The following BCAR3 variants were observed in gnomAD, a reference collection of about 807,000 sequenced individuals.
The protein encoded by BCAR3 is BCAR3 adaptor protein, NSP family member.
Under a neutral mutation model 80.1 loss-of-function variants are expected in BCAR3, and 37 were observed. The ratio of observed to expected loss-of-function variants is 0.46; its 90% CI spans 0.36 to 0.61. The LOEUF (loss-of-function observed/expected upper bound fraction) is 0.61. BCAR3 is among the 20% of genes least tolerant of loss of function. The probability of loss-of-function intolerance (pLI) is 0.00; values close to 1 mark genes in which losing one functional copy is unlikely to be tolerated. For synonymous variants in BCAR3, 389 were observed against 418.9 expected, an observed-to-expected ratio of 0.93 and a Z score of 0.87; for missense variants, 978 against 1,068.2, an observed-to-expected ratio of 0.92 and a Z score of 1.18.
At chr1:93,643,851 T>C (rs1448592879) in intron 2 of BCAR3, among the ~76,000 whole-genome samples, 1 of 152,232 alleles carries the variant, frequency 6.6e-6, no homozygotes, top group Non-Finnish European at 1.5e-5. Flanking sequence ...GCTTCAACTT[T>C]AGTAACCTTT....
chr1:93,744,205 A>C (rs1651277206), intron 2 of BCAR3, among the ~76,000 whole-genome samples: 1 of 152,244 alleles, frequency 6.6e-6, no homozygotes. Flanking sequence ...TGAGAGTCTT[A>C]GTCACATTAG....
intron 2 of BCAR3, among the ~76,000 whole-genome samples, chr1:93,722,318 T>G (rs958015807): frequency 2.0e-5 from 3 of 152,226 alleles, no homozygotes; most frequent in Non-Finnish European, 4.4e-5. Flanking sequence ...GGCTACTATT[T>G]TAGGTAGCAG....
intron 3 of BCAR3, among the ~76,000 whole-genome samples, chr1:93,702,803 C>T (rs992976086): frequency 3.9e-5 from 6 of 152,198 alleles, no homozygotes; most frequent in Non-Finnish European, 5.9e-5. Flanking sequence ...AGGAAGGAGA[C>T]GACTTGCTCC....
chr1:93,642,349 A>G lies in BCAR3; in HGVS notation c.318-6T>C, dbSNP rs1353939912. ...GGTCCAGAAGATGTGGATCCCTGAA[A>G]AGAGAAAATATAAATATGAGAATGG... On this transcript the variant is annotated splice_polypyrimidine_tract_variant and splice_region_variant and intron_variant, in intron 2 of 11. Transcript: ENST00000260502. 2 of 1,610,932 alleles carry G rather than the reference A, an allele frequency of 1.2e-6. No homozygotes were observed. Among genetic ancestry groups the G allele is most frequent in the Non-Finnish European group, 1.7e-6 (2 of 1,177,186 alleles).
chr1:93,639,177 C>G (rs1018134153), intron 3 of BCAR3, among the ~76,000 whole-genome samples: 2 of 152,146 alleles, frequency 1.3e-5, no homozygotes, highest in African/African-American at 4.8e-5. Context: ...GCTAAGCAAC[C>G]GAGAAACCGG....
intron 1 of BCAR3, among the ~76,000 whole-genome samples, chr1:93,676,686 C>T (rs1371764822): frequency 6.6e-6 from 1 of 152,164 alleles, no homozygotes; most frequent in South Asian, 2.1e-4. Context: ...ACACAAGTGA[C>T]GTAAACCGAC....
intron 9 of BCAR3, among the ~76,000 whole-genome samples, chr1:93,568,730 A>T (rs963491818): frequency 6.6e-6 from 1 of 152,240 alleles, no homozygotes; most frequent in Non-Finnish European, 1.5e-5. Flanking sequence ...AGCATTCAGT[A>T]TAAGTACATA....
chr1:93,568,466 T>A (rs1258109463), intron 9 of BCAR3, among the ~76,000 whole-genome samples: 2 of 152,148 alleles, frequency 1.3e-5, no homozygotes, highest in African/African-American at 2.4e-5. Flanking sequence ...TGATGCAAAG[T>A]AAAACACCTG....
In BCAR3 at chr1:93,673,602, GA is replaced by G. The variant is rs1435577666; in HGVS notation, c.317+1011del. Among the ~76,000 whole-genome samples the G allele has an allele frequency of 1.4e-4, 21 of 152,282 alleles. 3 individuals carry two copies. The highest frequency in any genetic ancestry group is 7.8e-4 in the Admixed American group (12 of 15,300). On this transcript the variant is annotated intron_variant, in intron 2 of 11. Transcript: ENST00000260502. ...ACAGGCTGCTGATCTTCCCCAACAG[GA>G]AAAGGAGTGCAGTTTCCAAACTAGC...
At chr1:93,625,506 G>T (rs1675430504) in intron 3 of BCAR3, among the ~76,000 whole-genome samples, 1 of 152,108 alleles carries the variant, frequency 6.6e-6, no homozygotes, top group Non-Finnish European at 1.5e-5. Flanking sequence ...GAAGACTGGT[G>T]GTCACAGGAA....
intron 2 of BCAR3, among the ~76,000 whole-genome samples, chr1:93,810,491 C>G (rs1167704777): frequency 6.6e-6 from 1 of 152,166 alleles, no homozygotes; most frequent in Non-Finnish European, 1.5e-5. Flanking sequence ...CATCAGCACA[C>G]TCTGATGCCA....
At chr1:93,616,794 T>C (rs1287195502) in intron 3 of BCAR3, among the ~76,000 whole-genome samples, 1 of 152,082 alleles carries the variant, frequency 6.6e-6, no homozygotes, top group Non-Finnish European at 1.5e-5. Context: ...TCCCAGGGAC[T>C]GAGGAAGGGA....
At chr1:93,574,235 G>A (rs957465578) in intron 8 of BCAR3, among the ~76,000 whole-genome samples, 4 of 152,226 alleles carry the variant, frequency 2.6e-5, no homozygotes, top group Non-Finnish European at 4.4e-5. Context: ...GCAAGAGGAG[G>A]CACTCAGATG....
chr1:93,582,925 A>G lies in BCAR3; in HGVS notation c.1062T>C (p.Gly354=), dbSNP rs1343855878. The change falls in exon 7 of 12, where the codon GGT becomes GGC. Residue 354 remains glycine, a synonymous_variant. Transcript: ENST00000260502. ...IGCKLPPQSS[G]VDTSPCPNSP... ...AGTTTGGGCAGGGGCTTGTGTCCACACCCGAGGACTGAGGTGGCAGCTTGC... is the reference window on the plus strand; with the variant it reads ...AGTTTGGGCAGGGGCTTGTGTCCACGCCCGAGGACTGAGGTGGCAGCTTGC... 6.3e-7 allele frequency: 1 copy of G among 1,596,850 alleles called. No individual in the cohort carries two copies. The highest frequency in any genetic ancestry group is 1.3e-5 in the African/African-American group (1 of 74,716).
At chr1:93,646,777 G>A (rs901470386) in intron 2 of BCAR3, among the ~76,000 whole-genome samples, 3 of 152,034 alleles carry the variant, frequency 2.0e-5, no homozygotes, top group African/African-American at 7.2e-5. Context: ...TAAATGCTGA[G>A]TTATTGGAAT....
chr1:93,704,510 A>C (rs780256123), intron 3 of BCAR3, among the ~76,000 whole-genome samples: 51 of 152,164 alleles, frequency 3.4e-4, no homozygotes, highest in South Asian at 1.2e-3. Flanking sequence ...CTAGTGAGGG[A>C]CAGAGCTAGG....
chr1:93,840,506 G>A lies in BCAR3; in HGVS notation c.-63+5061C>T, dbSNP rs530255407. Among the ~76,000 whole-genome samples the A allele has an allele frequency of 3.3e-5, 5 of 152,322 alleles. No individual in the cohort carries two copies. The South Asian group carries it at 6.2e-4, about 19-fold the overall frequency. On this transcript the variant is annotated intron_variant, in intron 2 of 13. Transcript: ENST00000370244. The stretch of plus-strand genomic sequence containing the variant: ...GATGGTTATTTGTTGTGAGGCCCAC[G>A]AGTGGGGCTCAGAATGCCTTTCCTT...
intron 2 of BCAR3, among the ~76,000 whole-genome samples, chr1:93,801,105 T>C (rs74786670): frequency 0.013 from 1,994 of 152,354 alleles, 37 homozygotes; most frequent in African/African-American, 0.046. Context: ...CTTTTCCTTT[T>C]CTTCCTTTTG....
chr1:93,729,902 G>C (rs1317750253), intron 2 of BCAR3, among the ~76,000 whole-genome samples: 1 of 152,156 alleles, frequency 6.6e-6, no homozygotes, highest in Non-Finnish European at 1.5e-5. Context: ...TTCAGTTTTA[G>C]CACTTAATTT....
Sources: allele counts gnomAD v4.1 joint callset (sites outside exome capture counted in the v4.1 genomes callset), GRCh38; gene constraint gnomAD v4.1.1; transcripts MANE v1.5; gene names NCBI Gene and HGNC (gene_info 2026-07-23, HGNC 2026-07-21).